The following ARNT2 variants were observed in gnomAD, a reference collection of about 807,000 sequenced individuals.
The protein encoded by ARNT2 is ARNT protein 2.
ARNT2 carries 36 observed loss-of-function variants against 91.7 expected under a neutral mutation model. The ratio of observed to expected loss-of-function variants is 0.39; its 90% CI spans 0.30 to 0.52. The LOEUF (loss-of-function observed/expected upper bound fraction) is 0.52. Among genes scored for constraint, ARNT2 ranks in the 20% least tolerant of loss-of-function variants. The probability of loss-of-function intolerance (pLI) is 0.72; values close to 1 mark genes in which losing one functional copy is unlikely to be tolerated. For synonymous variants in ARNT2, 365 were observed against 347.1 expected (o/e 1.05, Z -0.57); for missense variants, 775 against 939.3 (o/e 0.83, Z 2.29).
chr15:80,537,817 C>T, intron 8 of ARNT2, among the ~76,000 whole-genome samples: 1 of 152,360 alleles, frequency 6.6e-6, no homozygotes. Flanking sequence ...TGCCCCACCC[C>T]TACCTGTCTA....
At chr15:80,593,530 C>G in intron 18 of ARNT2, 70 bp from the exon 19 acceptor site, 1 of 1,301,814 alleles carries the variant, frequency 7.7e-7, no homozygotes, top group Non-Finnish European at 1.1e-6. Flanking sequence ...AGACTGGGCT[C>G]CTGGGACATG....
intron 1 of ARNT2, among the ~76,000 whole-genome samples, chr15:80,412,707 G>A (rs1257011983): frequency 6.6e-6 from 1 of 152,172 alleles, no homozygotes; most frequent in African/African-American, 2.4e-5. Context: ...CTGTTTGCCA[G>A]AATTGTACAC....
At chr15:80,519,178 C>T (rs542169054) in intron 8 of ARNT2, among the ~76,000 whole-genome samples, 10 of 152,306 alleles carry the variant, frequency 6.6e-5, no homozygotes, top group East Asian at 3.9e-4. Context: ...AAAATGACCA[C>T]GGCAAGTCTC....
rs765012332 is a variant in ARNT2, at chr15:80,514,023, G to T, written c.791+47G>T. On this transcript the variant is annotated intron_variant, in intron 7 of 18. Transcript: ENST00000303329. ...TATTTTGGGACTGTTCTGGTAGATA[G>T]TCTAAACACCCTAAGCTAAGCAGCC... The T allele has an allele frequency of 9.1e-6, 14 of 1,540,800 alleles. No individual in the cohort carries two copies. In the Admixed American group the frequency reaches 2.4e-4, roughly 26 times the overall value.
chr15:80,568,937 C>CGCACACACACGCGCGT lies in ARNT2; in HGVS notation c.1317-5201_1317-5186dup, dbSNP rs1188306256. Among the ~76,000 whole-genome samples the CGCACACACACGCGCGT allele has an allele frequency of 9.3e-4, 142 of 152,204 alleles. 2 individuals carry two copies. The highest frequency in any genetic ancestry group is 3.2e-3 in the Admixed American group (49 of 15,300). On this transcript the variant is annotated intron_variant, in intron 12 of 18. Coordinates refer to ENST00000303329, the MANE Select transcript of ARNT2 (RefSeq NM_014862.4). ...AAGTGAGCTCTAACACACACACACG[C>CGCACACACACGCGCGT]GCACACACACGCGCGTGCACACACA...
intron 8 of ARNT2, among the ~76,000 whole-genome samples, chr15:80,549,179 G>T (rs955732912): frequency 6.6e-6 from 1 of 152,072 alleles, no homozygotes; most frequent in Non-Finnish European, 1.5e-5. Flanking sequence ...GCTATTTAGA[G>T]AAAGATAAAA....
chr15:80,511,327 A>G (rs1367362717), intron 6 of ARNT2, among the ~76,000 whole-genome samples: 3 of 152,200 alleles, frequency 2.0e-5, no homozygotes, highest in Admixed American at 2.0e-4. Context: ...GCTAATGATG[A>G]AAACTCAGGG....
chr15:80,466,728 T>A (rs544986299), intron 3 of ARNT2, among the ~76,000 whole-genome samples: 1 of 152,378 alleles, frequency 6.6e-6, no homozygotes, highest in African/African-American at 2.4e-5. Context: ...ACTTATCAAA[T>A]CTTGTTGCTA....
intron 2 of ARNT2, among the ~76,000 whole-genome samples, chr15:80,454,465 T>C (rs543454768): frequency 2.0e-4 from 30 of 152,348 alleles, no homozygotes; most frequent in Admixed American, 6.5e-4. Context: ...CAATGGACTA[T>C]TTTCAAGTTA....
intron 1 of ARNT2, among the ~76,000 whole-genome samples, chr15:80,429,366 G>A (rs780736710): frequency 9.9e-5 from 15 of 152,170 alleles, no homozygotes; most frequent in African/African-American, 1.4e-4. Flanking sequence ...CTTCACAGTG[G>A]AACCTACATA....
chr15:80,475,166 C>A lies in ARNT2; in HGVS notation c.565C>A (p.Pro189Thr), dbSNP rs1177560136. 6.2e-7 allele frequency: 1 copy of A among 1,614,014 alleles called. No individual in the cohort carries two copies. The highest frequency in any genetic ancestry group is 1.3e-5 in the African/African-American group (1 of 74,914). The part of the protein sequence containing the change: ...FGSTLYEQVH[P>T]DDVEKLREQL... ...GAGCACACTGTATGAACAGGTGCAT[C>A]CTGATGACGTGGAGAAGCTGAGAGA... The change falls in exon 5 of 19, where the codon CCT (proline) becomes ACT (threonine). Residue 189 changes from proline (P) to threonine (T), a missense_variant. Transcript: ENST00000303329.
chr15:80,411,890 C>T (rs188184164), intron 1 of ARNT2, among the ~76,000 whole-genome samples: 164 of 152,250 alleles, frequency 1.1e-3, no homozygotes, highest in Admixed American at 2.2e-3. Flanking sequence ...TGTTACAGTC[C>T]CACAGGGTCT....
At chr15:80,409,257 G>C (rs1209103987) in intron 1 of ARNT2, among the ~76,000 whole-genome samples, 2 of 152,254 alleles carry the variant, frequency 1.3e-5, no homozygotes, top group East Asian at 3.9e-4. Flanking sequence ...CGAATTCTTG[G>C]CATCCACTGA....
Position 80,596,961 on chromosome 15 carries a change from G to A in ARNT2, c.*3263G>A. The A allele has an allele frequency of 2.8e-6, 1 of 355,610 alleles. No individual in the cohort carries two copies. The highest frequency in any genetic ancestry group is 5.6e-6 in the Non-Finnish European group (1 of 179,942). 22.0% of individuals were successfully genotyped at this position (355,610 alleles called of 1,614,324 possible). A position where few individuals can be genotyped will look rare whatever the true frequency, so the allele number is the denominator to read the frequency against. ...TTAGCTTTGGCTTCAGGGAGTGACA[G>A]CCATCACAAATAGCCACATTCTGCT... On this transcript the variant is annotated 3_prime_UTR_variant, in exon 19 of 19. Transcript: ENST00000303329.
At chr15:80,461,107 C>T (rs1189686083) in intron 3 of ARNT2, among the ~76,000 whole-genome samples, 1 of 152,044 alleles carries the variant, frequency 6.6e-6, no homozygotes, top group Non-Finnish European at 1.5e-5. Context: ...TTAGGGTGGC[C>T]CTGGGTTGAA....
intron 17 of ARNT2, among the ~76,000 whole-genome samples, chr15:80,582,340 A>AAG (rs1425619700): frequency 6.6e-6 from 1 of 151,852 alleles, no homozygotes; most frequent in East Asian, 1.9e-4. Flanking sequence ...AAAAAAAAAA[A>AAG]AAAAAATTAG....
chr15:80,588,036 T>G (rs1421418651), intron 17 of ARNT2, among the ~76,000 whole-genome samples: 1 of 152,058 alleles, frequency 6.6e-6, no homozygotes, highest in Non-Finnish European at 1.5e-5. Flanking sequence ...CCAGTAGCTG[T>G]GTGGTTATGG....
At chr15:80,511,688 C>T (rs889808720) in intron 6 of ARNT2, among the ~76,000 whole-genome samples, 13 of 151,866 alleles carry the variant, frequency 8.6e-5, no homozygotes, top group Non-Finnish European at 1.6e-4. Flanking sequence ...TGTGAAATCT[C>T]GTGGGAGGTG....
At chr15:80,492,930 C>T (rs1897077103) in intron 5 of ARNT2, among the ~76,000 whole-genome samples, 1 of 152,178 alleles carries the variant, frequency 6.6e-6, no homozygotes, top group Non-Finnish European at 1.5e-5. Flanking sequence ...TGTGTTCTTT[C>T]TGTTTCTTGG....
Sources: allele counts gnomAD v4.1 joint callset (sites outside exome capture counted in the v4.1 genomes callset), GRCh38; gene constraint gnomAD v4.1.1; transcripts MANE v1.5; gene names NCBI Gene and HGNC (gene_info 2026-07-23, HGNC 2026-07-21).